Variants in PLXDC2 observed in about 807,000 individuals in gnomAD.
PLXDC2 encodes plexin domain containing 2, also known as plexin domain-containing protein 2.
Under a neutral mutation model 68.9 loss-of-function variants are expected in PLXDC2, and 40 were observed. The ratio of observed to expected loss-of-function variants is 0.58; its 90% confidence interval spans 0.45 to 0.76. PLXDC2 has a LOEUF of 0.76. Ranked by LOEUF, PLXDC2 falls within the 30% of genes least tolerant of loss-of-function variation. PLXDC2 has a pLI of 0.00. For missense variants in PLXDC2, 644 were observed against 661.9 expected, an observed-to-expected ratio of 0.97 and a Z score of 0.30; for synonymous variants, 243 against 234.2, an observed-to-expected ratio of 1.04 and a Z score of -0.34.
At chr10:20,176,874 G>T in intron 7 of PLXDC2, 125 bp from the exon 8 acceptor site, 1 of 644,362 alleles carries the variant, frequency 1.6e-6, no homozygotes, top group Non-Finnish European at 2.6e-6. Context: ...TCTTCTCACA[G>T]GATGAGGCTT....
chr10:20,009,415 G>A, intron 2 of PLXDC2, among the ~76,000 whole-genome samples: 1 of 152,046 alleles, frequency 6.6e-6, no homozygotes, highest in Admixed American at 6.6e-5. Flanking sequence ...ATCTTAAACT[G>A]ATAGATGTTT....
intron 1 of PLXDC2, among the ~76,000 whole-genome samples, chr10:19,823,880 C>A (rs1484700894): frequency 3.3e-5 from 5 of 151,978 alleles, no homozygotes. Flanking sequence ...TGGTGGTGCA[C>A]ACCTGTAGTC....
chr10:20,018,568 A>G (rs143973378), intron 2 of PLXDC2, among the ~76,000 whole-genome samples: 40 of 152,340 alleles, frequency 2.6e-4, no homozygotes, highest in African/African-American at 8.4e-4. Flanking sequence ...CAGGAAATTT[A>G]CTGCCTGCTT....
chr10:20,174,000 C>G (rs1012143436), intron 7 of PLXDC2, among the ~76,000 whole-genome samples: 15 of 152,180 alleles, frequency 9.9e-5, no homozygotes, highest in Admixed American at 5.9e-4. Context: ...AATGGTCACA[C>G]TTTCTCTTTA....
intron 11 of PLXDC2, among the ~76,000 whole-genome samples, chr10:20,217,940 A>G (rs1669804773): frequency 6.6e-6 from 1 of 152,124 alleles, no homozygotes; most frequent in Non-Finnish European, 1.5e-5. Flanking sequence ...GAAAGGCAAA[A>G]TGCATATAAA....
intron 2 of PLXDC2, among the ~76,000 whole-genome samples, chr10:20,013,135 A>G (rs994636201): frequency 1.3e-5 from 2 of 152,186 alleles, no homozygotes; most frequent in African/African-American, 4.8e-5. Flanking sequence ...CACCTTTTAG[A>G]TAATATCTAG....
intron 1 of PLXDC2, among the ~76,000 whole-genome samples, chr10:19,850,474 T>C (rs919566520): frequency 1.3e-5 from 2 of 152,150 alleles, no homozygotes; most frequent in African/African-American, 4.8e-5. Flanking sequence ...GTACTCCTTT[T>C]ATTGGGCATT....
At chr10:20,207,911 A>T (rs1835014598) in intron 9 of PLXDC2, among the ~76,000 whole-genome samples, 1 of 152,122 alleles carries the variant, frequency 6.6e-6, no homozygotes, top group Non-Finnish European at 1.5e-5. Flanking sequence ...TTCACATTCC[A>T]CTTGAATTAA....
chr10:19,923,325 A>C (rs1833490571), intron 1 of PLXDC2, among the ~76,000 whole-genome samples: 1 of 152,258 alleles, frequency 6.6e-6, no homozygotes, highest in South Asian at 2.1e-4. Context: ...AACAAAAGAC[A>C]TAAAGTATTG....
At chr10:19,911,785 A>G (rs1833276381) in intron 1 of PLXDC2, among the ~76,000 whole-genome samples, 2 of 152,242 alleles carry the variant, frequency 1.3e-5, no homozygotes, top group Non-Finnish European at 2.9e-5. Flanking sequence ...AGTTCATTAA[A>G]AAAGAAAATT....
At chr10:20,080,794 C>A (rs563957203) in intron 4 of PLXDC2, among the ~76,000 whole-genome samples, 1 of 152,330 alleles carries the variant, frequency 6.6e-6, no homozygotes, top group African/African-American at 2.4e-5. Flanking sequence ...ACAAGGCAAA[C>A]CACTGTCCCC....
intron 4 of PLXDC2, among the ~76,000 whole-genome samples, chr10:20,123,309 C>T (rs977863662): frequency 6.6e-6 from 1 of 151,870 alleles, no homozygotes; most frequent in Non-Finnish European, 1.5e-5. Flanking sequence ...AGGGGACAGA[C>T]AGGAGGGAAA....
At position 20,096,926 on chromosome 10, in the gene PLXDC2, G is replaced by A. The variant is rs759120810; in HGVS notation, c.541+28687G>A. 4.6e-5 allele frequency among the ~76,000 whole-genome samples: 7 copies of A among 152,126 alleles called. No individual in the cohort carries two copies. In the South Asian group the frequency reaches 1.0e-3, roughly 23 times the overall value. ...GTTTCTTTCCTACATTAAAAAAAGC[G>A]AAATTAATTCCCTTCTTAAGTTACT... On this transcript the variant is annotated intron_variant, in intron 4 of 13. Coordinates refer to ENST00000377252, the MANE Select transcript of PLXDC2 (RefSeq NM_032812.9).
At chr10:19,921,562 GACAA>G (rs1833462583) in intron 1 of PLXDC2, among the ~76,000 whole-genome samples, 1 of 152,148 alleles carries the variant, frequency 6.6e-6, no homozygotes, top group Non-Finnish European at 1.5e-5. Flanking sequence ...TACGTAACCA[GACAA>G]AAACAAAGCA....
chr10:20,166,873 G>T (rs930901368), intron 7 of PLXDC2, among the ~76,000 whole-genome samples: 2 of 152,034 alleles, frequency 1.3e-5, no homozygotes, highest in African/African-American at 4.8e-5. Flanking sequence ...GTTACGTGTT[G>T]GGGGAAAAAT....
intron 1 of PLXDC2, among the ~76,000 whole-genome samples, chr10:19,887,855 T>G (rs1481467323): frequency 1.3e-5 from 2 of 152,212 alleles, no homozygotes; most frequent in African/African-American, 4.8e-5. Context: ...AGAGAGCTTT[T>G]TATAATTACA....
chr10:20,092,505 G>T (rs1833293527), intron 4 of PLXDC2, among the ~76,000 whole-genome samples: 2 of 152,070 alleles, frequency 1.3e-5, no homozygotes, highest in South Asian at 4.1e-4. Context: ...TGTTAAAAAT[G>T]CTTACAAGGT....
At chr10:20,237,781 G>A (rs1030589824) in intron 12 of PLXDC2, among the ~76,000 whole-genome samples, 6 of 152,152 alleles carry the variant, frequency 3.9e-5, no homozygotes, top group Non-Finnish European at 7.4e-5. Context: ...ATTTGTGCAT[G>A]ACATTGTCTA....
intron 12 of PLXDC2, among the ~76,000 whole-genome samples, chr10:20,244,846 T>C (rs1168961354): frequency 6.6e-6 from 1 of 152,224 alleles, no homozygotes; most frequent in Non-Finnish European, 1.5e-5. Flanking sequence ...CCAGGTGCGG[T>C]GGCTCACGCC....
Sources: allele counts gnomAD v4.1 joint callset (sites outside exome capture counted in the v4.1 genomes callset), GRCh38; gene constraint gnomAD v4.1.1; transcripts MANE v1.5; gene names NCBI Gene and HGNC (gene_info 2026-07-23, HGNC 2026-07-21).